CWC27: variants seen among roughly 807,000 people sequenced by gnomAD.
The protein encoded by CWC27 is CWC27 spliceosome associated cyclophilin.
Under a neutral mutation model 63.6 loss-of-function variants are expected in CWC27, and 47 were observed. The observed-to-expected ratio is 0.74, with a 90% confidence interval of 0.58 to 0.94. The LOEUF is 0.94. CWC27 is among the 40% of genes least tolerant of loss of function. The pLI, the probability that CWC27 is intolerant of heterozygous loss-of-function variation, is 0.00. For missense variants in CWC27, 495 were observed against 554.3 expected, an observed-to-expected ratio of 0.89 and a Z score of 1.07; for synonymous variants, 175 against 179.8, an observed-to-expected ratio of 0.97 and a Z score of 0.22.
At chr5:64,779,667 A>C (rs990113195) in intron 2 of CWC27, among the ~76,000 whole-genome samples, 1 of 152,064 alleles carries the variant, frequency 6.6e-6, no homozygotes, top group Admixed American at 6.6e-5. Context: ...GTATCCATTA[A>C]CCCAGTCATT....
intron 10 of CWC27, among the ~76,000 whole-genome samples, chr5:64,805,657 G>C (rs1172794087): frequency 2.0e-5 from 3 of 151,904 alleles, no homozygotes; most frequent in Non-Finnish European, 4.4e-5. Context: ...AGATTTAAGT[G>C]TTCCTTAAAC....
intron 10 of CWC27, among the ~76,000 whole-genome samples, chr5:64,837,777 A>G (rs954183541): frequency 6.6e-6 from 1 of 152,036 alleles, no homozygotes; most frequent in Admixed American, 6.6e-5. Flanking sequence ...GAACATTTTC[A>G]AACTACAAAA....
chr5:64,851,179 A>G (rs536551300), intron 10 of CWC27, among the ~76,000 whole-genome samples: 74 of 152,356 alleles, frequency 4.9e-4, no homozygotes, highest in African/African-American at 1.8e-3. Flanking sequence ...ATGTAAGGAA[A>G]ATGTGGTGTA....
intron 11 of CWC27, among the ~76,000 whole-genome samples, chr5:64,933,634 A>G (rs1452874019): frequency 6.6e-6 from 1 of 152,014 alleles, no homozygotes; most frequent in African/African-American, 2.4e-5. Context: ...CTGGGACTAC[A>G]GGCATGCACC....
At chr5:64,838,580 G>A (rs1745722219) in intron 10 of CWC27, among the ~76,000 whole-genome samples, 1 of 152,150 alleles carries the variant, frequency 6.6e-6, no homozygotes, top group Non-Finnish European at 1.5e-5. Flanking sequence ...ATAATTACCA[G>A]AGTTTCCTGG....
chr5:64,808,008 T>C (rs1270887500), intron 10 of CWC27: 22 of 1,383,016 alleles, frequency 1.6e-5, no homozygotes, highest in Non-Finnish European at 2.0e-5. Flanking sequence ...ACTTTCCATT[T>C]TTTTTTCTTG....
chr5:64,847,920 AAGAG>A (rs1746033444), intron 10 of CWC27, among the ~76,000 whole-genome samples: 2 of 152,098 alleles, frequency 1.3e-5, no homozygotes. Context: ...AATATCAAAA[AAGAG>A]AGAAAGATCT....
intron 2 of CWC27, among the ~76,000 whole-genome samples, chr5:64,775,197 T>C (rs77205025): frequency 0.014 from 2,130 of 152,320 alleles, 57 homozygotes; most frequent in African/African-American, 0.048. Flanking sequence ...CTAATTTACA[T>C]ATCTAATTGC....
chr5:64,798,555 A>AAAAAT (rs1216240264), intron 7 of CWC27, among the ~76,000 whole-genome samples: 2 of 152,192 alleles, frequency 1.3e-5, no homozygotes, highest in African/African-American at 4.8e-5. Flanking sequence ...ATGACTTTTT[A>AAAAAT]AAACTACAAA....
At chr5:64,872,432 T>C (rs1366419357) in intron 10 of CWC27, among the ~76,000 whole-genome samples, 1 of 152,220 alleles carries the variant, frequency 6.6e-6, no homozygotes, top group Non-Finnish European at 1.5e-5. Context: ...GGATCACTTA[T>C]ATGCAGCTTC....
chr5:64,980,721 T>C (rs1427235317), intron 13 of CWC27, among the ~76,000 whole-genome samples: 3 of 152,192 alleles, frequency 2.0e-5, no homozygotes, highest in Non-Finnish European at 2.9e-5. Flanking sequence ...TATTTAGTAT[T>C]ATAAAAATTT....
At chr5:65,007,720 C>T (rs1835671) in intron 13 of CWC27, among the ~76,000 whole-genome samples, 55,179 of 151,040 alleles carry the variant, frequency 0.37, 10,788 homozygotes, top group Non-Finnish European at 0.44. Context: ...CTTCGCCTCC[C>T]GGATTCACGC....
In CWC27 at chr5:64,880,853, C is replaced by CTTTTTTTTTTTTTTTTTTTTTTTTTTTT. The variant is rs571051416; in HGVS notation, c.939-4590_939-4589insTTTTTTTTTTTTTTTTTTTTTTTTTTTT. ...AGAGTTAGTAACAGTTTATAAAAGC[C>CTTTTTTTTTTTTTTTTTTTTTTTTTTTT]ATTTTTTTTTTTTTTTTTTTTACCA... On this transcript the variant is annotated intron_variant, in intron 10 of 13. Transcript: ENST00000381070. Among the ~76,000 whole-genome samples, 2 of 136,080 alleles carry CTTTTTTTTTTTTTTTTTTTTTTTTTTTT rather than the reference C, an allele frequency of 1.5e-5. 1 individual carries two copies. The highest frequency in any genetic ancestry group is 5.5e-5 in the African/African-American group (2 of 36,110). 89.3% of individuals were successfully genotyped at this position (136,080 alleles called of 152,430 possible).
chr5:64,973,448 C>T (rs769455788), intron 12 of CWC27, among the ~76,000 whole-genome samples: 7 of 152,200 alleles, frequency 4.6e-5, no homozygotes, highest in Non-Finnish European at 1.0e-4. Flanking sequence ...ATAGCTTCTA[C>T]ATTCTGGGAA....
At chr5:64,955,640 A>G (rs771969768) in intron 11 of CWC27, among the ~76,000 whole-genome samples, 6 of 151,978 alleles carry the variant, frequency 3.9e-5, no homozygotes, top group Non-Finnish European at 7.4e-5. Context: ...CTTTTCCCCT[A>G]CCTTCACTCC....
intron 10 of CWC27, among the ~76,000 whole-genome samples, chr5:64,828,394 A>G (rs1031924863): frequency 2.0e-5 from 3 of 152,074 alleles, no homozygotes; most frequent in Admixed American, 6.6e-5. Context: ...CTCCTATAAC[A>G]AAATACCATA....
chr5:64,953,670 A>C (rs1748751472), intron 11 of CWC27, among the ~76,000 whole-genome samples: 1 of 152,178 alleles, frequency 6.6e-6, no homozygotes, highest in Admixed American at 6.6e-5. Context: ...GCCATTTCAA[A>C]ACAAAGGCAC....
At chr5:64,863,151 T>G (rs1260150448) in intron 10 of CWC27, among the ~76,000 whole-genome samples, 1 of 152,204 alleles carries the variant, frequency 6.6e-6, no homozygotes, top group African/African-American at 2.4e-5. Context: ...ATAGAATGAC[T>G]CACGTTCTGG....
At chr5:64,925,486 C>T (rs946724532) in intron 11 of CWC27, among the ~76,000 whole-genome samples, 2 of 152,222 alleles carry the variant, frequency 1.3e-5, no homozygotes, top group Non-Finnish European at 2.9e-5. Context: ...CAACAAAAAT[C>T]TCTTAGCATC....
Sources: allele counts gnomAD v4.1 joint callset (sites outside exome capture counted in the v4.1 genomes callset), GRCh38; gene constraint gnomAD v4.1.1; transcripts MANE v1.5; gene names NCBI Gene and HGNC (gene_info 2026-07-23, HGNC 2026-07-21).